The following LAMB3 variants were observed in gnomAD, a reference collection of about 807,000 sequenced individuals.
The protein encoded by LAMB3 is laminin subunit beta 3, also known as laminin subunit beta-3.
In LAMB3, 104 loss-of-function variants were observed where a neutral mutation model predicts 140.3. The ratio of observed to expected loss-of-function variants is 0.74; its 90% CI spans 0.63 to 0.87. The LOEUF is 0.87. Among genes scored for constraint, LAMB3 ranks in the 40% least tolerant of loss-of-function variants. The pLI, the probability that LAMB3 is intolerant of heterozygous loss-of-function variation, is 0.00. For missense variants in LAMB3, 1,531 were observed against 1,575.2 expected, an observed-to-expected ratio of 0.97 and a Z score of 0.47; for synonymous variants, 592 against 602.9, an observed-to-expected ratio of 0.98 and a Z score of 0.26.
intron 18 of LAMB3, among the ~76,000 whole-genome samples, chr1:209,619,296 T>C (rs754546875): frequency 6.6e-6 from 1 of 152,206 alleles, no homozygotes. Context: ...CTCATTTAAC[T>C]GGTTTGTTTG....
rs1216236360 is a variant in LAMB3 at position 209,617,441 on chromosome 1, C to T, written c.3197G>A (p.Gly1066Asp). The change falls in exon 21 of 23, where the codon GGT (glycine) becomes GAT (aspartate). Residue 1066 changes from glycine (G) to aspartate (D), a missense_variant. Transcript: ENST00000356082. ...GGCACTCAATGCCTGCTCGCTGGCA[C>T]CTTCCGCAAGCTGCTGGGCCTGGAC... ...EAVQAQQLAE[G>D]ASEQALSAQE... 7 of 1,613,090 alleles carry T rather than the reference C, an allele frequency of 4.3e-6. No homozygotes were observed. The highest frequency in any genetic ancestry group is 3.3e-5 in the South Asian group (3 of 91,040).
chr1:209,641,423 C>T (rs1363212887), intron 3 of LAMB3, among the ~76,000 whole-genome samples: 1 of 152,182 alleles, frequency 6.6e-6, no homozygotes, highest in Admixed American at 6.5e-5. Context: ...TGCTGAGGCA[C>T]AAAGAGGCAA....
At chr1:209,620,479 A>C (rs1032130636) in intron 18 of LAMB3, among the ~76,000 whole-genome samples, 2 of 152,182 alleles carry the variant, frequency 1.3e-5, no homozygotes, top group African/African-American at 4.8e-5. Flanking sequence ...GAGAGAGGAA[A>C]AACATTCGCA....
At chr1:209,622,885 CTGGACTTTAG>C in intron 17 of LAMB3, 87 bp downstream of exon 17, 1 of 1,465,736 alleles carries the variant, frequency 6.8e-7, no homozygotes, top group Non-Finnish European at 9.5e-7. Context: ...CCTAAAATCT[CTGGACTTTAG>C]TGTAAAATGG....
chr1:209,651,656 G>T (rs2076567505), intron 1 of LAMB3, among the ~76,000 whole-genome samples: 1 of 152,220 alleles, frequency 6.6e-6, no homozygotes, highest in Admixed American at 6.5e-5. Flanking sequence ...GACAAGAGGG[G>T]TGGGGCTGGG....
chr1:209,638,756 A>C (rs2076430306), intron 3 of LAMB3, 108 bp from the exon 4 acceptor site: 1 of 728,084 alleles, frequency 1.4e-6, no homozygotes, highest in Non-Finnish European at 2.5e-6. Context: ...TGCCCTTAGG[A>C]ATCACTAATT....
At chr1:209,635,528 GA>G (rs1666867551) in intron 5 of LAMB3, among the ~76,000 whole-genome samples, 1 of 152,122 alleles carries the variant, frequency 6.6e-6, no homozygotes, top group Non-Finnish European at 1.5e-5. Flanking sequence ...TCAGCCTCCT[GA>G]GTAGCTGGAA....
chr1:209,630,877 G>A (rs999877240), intron 8 of LAMB3, 142 bp from the exon 9 acceptor site: 17 of 918,958 alleles, frequency 1.8e-5, no homozygotes, highest in Non-Finnish European at 2.4e-5. Context: ...TCCTCTGAAT[G>A]CCGCAGACTT....
intron 9 of LAMB3, among the ~76,000 whole-genome samples, chr1:209,630,295 G>A (rs1477064786): frequency 6.6e-6 from 1 of 152,122 alleles, no homozygotes; most frequent in Non-Finnish European, 1.5e-5. Flanking sequence ...CCTCATTTAT[G>A]TAAACAAAGG....
chr1:209,638,489 G>T (rs1571829067), intron 4 of LAMB3, 45 bp downstream of exon 4: 1 of 1,268,120 alleles, frequency 7.9e-7, no homozygotes, highest in Non-Finnish European at 1.2e-6. Flanking sequence ...GTCTTATCCT[G>T]TGGAGGCTGT....
chr1:209,648,848 TA>T (rs562899338), intron 3 of LAMB3, among the ~76,000 whole-genome samples: 4,251 of 149,512 alleles, frequency 0.028, 72 homozygotes, highest in Middle Eastern at 0.031. Flanking sequence ...CTCTGTTGCC[TA>T]AAAAAAAAAA....
At chr1:209,640,262 C>A (rs1200564541) in intron 3 of LAMB3, among the ~76,000 whole-genome samples, 1 of 152,138 alleles carries the variant, frequency 6.6e-6, no homozygotes, top group Admixed American at 6.5e-5. Context: ...TAAAGTAGTA[C>A]CCATTGGTGG....
intron 10 of LAMB3, among the ~76,000 whole-genome samples, chr1:209,628,415 T>C (rs142977167): frequency 6.6e-6 from 1 of 152,294 alleles, no homozygotes; most frequent in Non-Finnish European, 1.5e-5. Context: ...AATTAGTAAA[T>C]GGCTGTGCGC....
At chr1:209,619,981 C>T (rs749629504) in intron 18 of LAMB3, among the ~76,000 whole-genome samples, 7 of 152,188 alleles carry the variant, frequency 4.6e-5, no homozygotes, top group Non-Finnish European at 1.0e-4. Flanking sequence ...TAGAGCTCGT[C>T]AACCTCTCTT....
rs1290667308 is a variant in LAMB3 at position 209,623,313 on chromosome 1, G to C, written c.2359-134C>G. ...CAGAAACAGCCAGACATCTCCATGA[G>C]AGCTAAGGACCAGAAACTGGTTTCC... On this transcript the variant is annotated intron_variant, in intron 16 of 22. Coordinates refer to ENST00000356082, the MANE Select transcript of LAMB3 (RefSeq NM_000228.3). The surrounding 1 kb of genome is among the most constrained non-coding windows in gnomAD (Gnocchi z 4.2). 9.5e-7 allele frequency: 1 copy of C among 1,053,430 alleles called. No homozygotes were observed. The highest frequency in any genetic ancestry group is 1.4e-6 in the Non-Finnish European group (1 of 690,996). The allele number at this position is 1,053,430 out of a possible 1,614,324, so 65.3% of individuals were successfully genotyped here.
At chr1:209,648,447 C>T (rs1209565983) in intron 3 of LAMB3, among the ~76,000 whole-genome samples, 1 of 152,184 alleles carries the variant, frequency 6.6e-6, no homozygotes, top group African/African-American at 2.4e-5. Flanking sequence ...AAAGAAGAAA[C>T]AGCCAGTGCT....
chr1:209,623,732 C>A lies in LAMB3; in HGVS notation c.2138-7G>T, dbSNP rs779508669. The A allele has an allele frequency of 3.7e-6, 6 of 1,613,830 alleles. No homozygotes were observed. The highest frequency in any genetic ancestry group is 5.1e-6 in the Non-Finnish European group (6 of 1,179,998). On this transcript the variant is annotated splice_region_variant and splice_polypyrimidine_tract_variant and intron_variant, in intron 15 of 22. Transcript: ENST00000356082. The surrounding 1 kb of genome is among the most constrained non-coding windows in gnomAD (Gnocchi z 4.2). ...CTCAGCATCCGGAAGGCTCCTGTGG[C>A]GAGAAGCATGAGGAATGGAGATGGA...
At chr1:209,639,053 T>C (rs1022497966) in intron 3 of LAMB3, among the ~76,000 whole-genome samples, 3 of 152,032 alleles carry the variant, frequency 2.0e-5, no homozygotes, top group East Asian at 1.9e-4. Flanking sequence ...GAAAGTTTTA[T>C]AGTTTACCTC....
intron 11 of LAMB3, 57 bp from the exon 12 acceptor site, chr1:209,627,636 G>C (rs147383480): frequency 6.5e-7 from 1 of 1,528,018 alleles, no homozygotes; most frequent in East Asian, 2.3e-5. Flanking sequence ...CTCACCCCCA[G>C]AGGACACACA....
Sources: allele counts gnomAD v4.1 joint callset (sites outside exome capture counted in the v4.1 genomes callset), GRCh38; gene constraint gnomAD v4.1.1; non-coding constraint Gnocchi (gnomAD v3.1); transcripts MANE v1.5; gene names NCBI Gene and HGNC (gene_info 2026-07-23, HGNC 2026-07-21).